Variants in PITPNC1 observed in about 807,000 individuals in gnomAD.
The protein encoded by PITPNC1 is phosphatidylinositol transfer protein cytoplasmic 1, also known as cytoplasmic phosphatidylinositol transfer protein 1.
Under a neutral mutation model 44.7 loss-of-function variants are expected in PITPNC1, and 18 were observed. That is an observed-to-expected ratio of 0.40 (90% CI 0.28 to 0.60). PITPNC1 has a LOEUF of 0.60. Ranked by LOEUF, PITPNC1 falls within the 20% of genes least tolerant of loss-of-function variation. The pLI is 0.39. For synonymous variants in PITPNC1, 141 were observed against 149.6 expected, an observed-to-expected ratio of 0.94 and a Z score of 0.42; for missense variants, 290 against 418.4, an observed-to-expected ratio of 0.69 and a Z score of 2.68.
chr17:67,385,553 G>A (rs749262019), intron 1 of PITPNC1, among the ~76,000 whole-genome samples: 3 of 149,114 alleles, frequency 2.0e-5, no homozygotes, highest in Non-Finnish European at 4.4e-5. Context: ...CTCTTTTGCT[G>A]TTCACACTAA....
intron 1 of PITPNC1, among the ~76,000 whole-genome samples, chr17:67,504,962 T>C (rs1225527671): frequency 1.3e-5 from 2 of 152,228 alleles, no homozygotes; most frequent in Non-Finnish European, 2.9e-5. Flanking sequence ...TCTCAAATTA[T>C]TTTCTACTCT....
At chr17:67,407,655 A>G (rs765493766) in intron 1 of PITPNC1, among the ~76,000 whole-genome samples, 2 of 151,852 alleles carry the variant, frequency 1.3e-5, no homozygotes, top group Non-Finnish European at 2.9e-5. Flanking sequence ...ATACAAGATT[A>G]GCTGGGTGCG....
chr17:67,569,861 C>T (rs1055901286), intron 4 of PITPNC1, among the ~76,000 whole-genome samples: 2 of 152,152 alleles, frequency 1.3e-5, no homozygotes, highest in Non-Finnish European at 2.9e-5. Context: ...TTTATTCTCC[C>T]TGCCAAGCTG....
intron 7 of PITPNC1, among the ~76,000 whole-genome samples, chr17:67,670,037 C>T (rs2042486297): frequency 6.6e-6 from 1 of 151,822 alleles, no homozygotes; most frequent in Non-Finnish European, 1.5e-5. Flanking sequence ...CGTATTATTG[C>T]ACTCCAGCCT....
At chr17:67,383,573 C>T (rs2037996317) in intron 1 of PITPNC1, among the ~76,000 whole-genome samples, 1 of 152,152 alleles carries the variant, frequency 6.6e-6, no homozygotes. Flanking sequence ...TCCCAGTGAG[C>T]GACCTGCTCA....
intron 5 of PITPNC1, among the ~76,000 whole-genome samples, chr17:67,599,748 A>G (rs551108469): frequency 1.2e-4 from 19 of 152,272 alleles, no homozygotes; most frequent in African/African-American, 4.3e-4. Context: ...TTGGCTGTAG[A>G]AGGAAGGAAA....
chr17:67,435,368 A>G (rs1159603160), intron 1 of PITPNC1, among the ~76,000 whole-genome samples: 1 of 152,162 alleles, frequency 6.6e-6, no homozygotes, highest in Non-Finnish European at 1.5e-5. Flanking sequence ...CATTGTAGGC[A>G]TTTTTGTACC....
At chr17:67,687,127 A>T in intron 8 of PITPNC1, 1 of 1,612,382 alleles carries the variant, frequency 6.2e-7, no homozygotes, top group Non-Finnish European at 8.5e-7. Flanking sequence ...CCAACATAAA[A>T]GTTTGCAATC....
At chr17:67,548,521 A>G (rs936854863) in intron 2 of PITPNC1, among the ~76,000 whole-genome samples, 1 of 152,030 alleles carries the variant, frequency 6.6e-6, no homozygotes, top group Non-Finnish European at 1.5e-5. Context: ...GACCTGGGAG[A>G]TGGAGGTTGC....
Position 67,607,323 on chromosome 17 carries a change from G to A in PITPNC1, c.367-24820G>A, listed in dbSNP as rs537675546. 2.6e-5 allele frequency among the ~76,000 whole-genome samples: 4 copies of A among 152,346 alleles called. No individual in the cohort carries two copies. The East Asian group carries it at 7.7e-4, about 29-fold the overall frequency. On this transcript the variant is annotated intron_variant, in intron 5 of 8. Transcript: ENST00000581322. ...GCCCCAGGAGTTATAGGATGCAGCA[G>A]AGCAAAGGTGGCATTTTCCAGGTGA...
At chr17:67,632,492 C>G in intron 6 of PITPNC1, 2 of 516,666 alleles carry the variant, frequency 3.9e-6, no homozygotes, top group Non-Finnish European at 6.9e-6. Flanking sequence ...TTTTTGGCAA[C>G]GTCAGTATCC....
intron 4 of PITPNC1, among the ~76,000 whole-genome samples, chr17:67,572,099 GC>G (rs1181708871): frequency 7.9e-5 from 12 of 152,300 alleles, no homozygotes; most frequent in African/African-American, 2.4e-4. Context: ...TGCTTCAGCA[GC>G]CCTTAGACAT....
intron 4 of PITPNC1, among the ~76,000 whole-genome samples, chr17:67,568,515 T>G (rs2041011052): frequency 6.6e-6 from 1 of 152,176 alleles, no homozygotes; most frequent in Non-Finnish European, 1.5e-5. Flanking sequence ...AAAGCTATTT[T>G]TTATTTATTT....
intron 5 of PITPNC1, among the ~76,000 whole-genome samples, chr17:67,610,136 G>C (rs1304763846): frequency 1.3e-5 from 2 of 152,254 alleles, no homozygotes; most frequent in East Asian, 1.9e-4. Flanking sequence ...ATCAGGTCAG[G>C]ATACGAGAGT....
intron 1 of PITPNC1, among the ~76,000 whole-genome samples, chr17:67,462,785 C>T (rs2039360454): frequency 6.6e-6 from 1 of 151,092 alleles, no homozygotes; most frequent in Non-Finnish European, 1.5e-5. Context: ...TCACCGCAAC[C>T]TCCGCCTCCT....
intron 1 of PITPNC1, among the ~76,000 whole-genome samples, chr17:67,507,504 G>A (rs2040120480): frequency 6.6e-6 from 1 of 151,984 alleles, no homozygotes; most frequent in East Asian, 1.9e-4. Context: ...GGTCAACATG[G>A]TGAAACCCCA....
chr17:67,638,451 G>A (rs930743472), intron 6 of PITPNC1: 2 of 152,216 alleles, frequency 1.3e-5, no homozygotes, highest in Admixed American at 6.6e-5. Flanking sequence ...CAAAGAAAAT[G>A]GCATCTATAC....
At chr17:67,525,253 C>T (rs1294389622) in intron 1 of PITPNC1, 1 of 152,196 alleles carries the variant, frequency 6.6e-6, no homozygotes, top group Non-Finnish European at 1.5e-5. Flanking sequence ...GTGGCCCAGA[C>T]TGGACCCAGC....
At chr17:67,608,253 A>C (rs540778824) in intron 5 of PITPNC1, among the ~76,000 whole-genome samples, 38 of 147,768 alleles carry the variant, frequency 2.6e-4, no homozygotes, top group African/African-American at 7.6e-4. Flanking sequence ...AAAACAAAAA[A>C]AAACAAAAAA....
Sources: gnomAD v4.1 joint callset for allele counts (sites outside exome capture counted in the v4.1 genomes callset) on GRCh38, gnomAD v4.1.1 for gene constraint, MANE v1.5 for transcripts, NCBI Gene and HGNC (gene_info 2026-07-23, HGNC 2026-07-21) for gene names.